Variants in STARD13 observed in about 807,000 individuals in gnomAD.
The protein encoded by STARD13 is stAR-related lipid transfer protein 13.
Under a neutral mutation model 106.4 loss-of-function variants are expected in STARD13, and 62 were observed. That is an observed-to-expected ratio of 0.58 (90% CI 0.48 to 0.72). The LOEUF is 0.72. Among genes scored for constraint, STARD13 ranks in the 30% least tolerant of loss-of-function variants. STARD13 has a pLI of 0.00. For missense variants in STARD13, 1,387 were observed against 1,424.0 expected, an observed-to-expected ratio of 0.97 and a Z score of 0.42; for synonymous variants, 565 against 553.0, an observed-to-expected ratio of 1.02 and a Z score of -0.31.
intron 4 of STARD13, among the ~76,000 whole-genome samples, chr13:33,135,394 G>A (rs575254024): frequency 6.6e-6 from 1 of 152,282 alleles, no homozygotes; most frequent in Admixed American, 6.5e-5. Context: ...AAATTCAAAC[G>A]GTGAGTCCTA....
chr13:33,107,033 C>A (rs1309980560), intron 12 of STARD13, 99 bp from the exon 13 acceptor site: 1 of 1,187,408 alleles, frequency 8.4e-7, no homozygotes, highest in Non-Finnish European at 1.2e-6. Flanking sequence ...CTGCCAACAA[C>A]CTGGGCTCAG....
chr13:33,257,202 A>T (rs997212480), intron 1 of STARD13, among the ~76,000 whole-genome samples: 1 of 152,032 alleles, frequency 6.6e-6, no homozygotes, highest in African/African-American at 2.4e-5. Context: ...TCTGGGAATT[A>T]TCCATGTAAA....
At chr13:33,116,410 C>T (rs1424406254) in intron 8 of STARD13, among the ~76,000 whole-genome samples, 1 of 152,158 alleles carries the variant, frequency 6.6e-6, no homozygotes, top group Non-Finnish European at 1.5e-5. Flanking sequence ...CCTCATCTCC[C>T]TCAATTGTAA....
intron 7 of STARD13, among the ~76,000 whole-genome samples, chr13:33,123,350 TTAA>T (rs1404020004): frequency 6.6e-6 from 1 of 152,238 alleles, no homozygotes; most frequent in African/African-American, 2.4e-5. Context: ...TTTTCGGGAC[TTAA>T]TGATGTTTAT....
chr13:33,273,285 T>C (rs1315613323), intron 1 of STARD13, among the ~76,000 whole-genome samples: 1 of 152,176 alleles, frequency 6.6e-6, no homozygotes, highest in East Asian at 1.9e-4. Context: ...ACTACACTGG[T>C]GAAGGAATTA....
the STARD13 span, among the ~76,000 whole-genome samples, chr13:33,556,253 C>T: frequency 6.6e-6 from 1 of 151,908 alleles, no homozygotes; most frequent in Admixed American, 6.6e-5. Flanking sequence ...TTCCTTCCCG[C>T]CTCCCTTTTC....
chr13:33,533,618 GGTAA>G, the STARD13 span, among the ~76,000 whole-genome samples: 2 of 151,836 alleles, frequency 1.3e-5, no homozygotes, highest in Non-Finnish European at 2.9e-5. Flanking sequence ...TATTACATCT[GGTAA>G]GTAAGTGGAT....
chr13:33,529,829 T>C, the STARD13 span, among the ~76,000 whole-genome samples: 1 of 152,100 alleles, frequency 6.6e-6, no homozygotes, highest in Non-Finnish European at 1.5e-5. Context: ...CAAAGAATAG[T>C]GAGGATTTTA....
chr13:33,428,498 G>T, the STARD13 span, among the ~76,000 whole-genome samples: 2 of 151,954 alleles, frequency 1.3e-5, no homozygotes, highest in Non-Finnish European at 2.9e-5. Flanking sequence ...TTAAAAAATG[G>T]ACAAAAGACG....
the STARD13 span, among the ~76,000 whole-genome samples, chr13:33,505,571 C>A: frequency 6.1e-4 from 93 of 152,172 alleles, no homozygotes; most frequent in Non-Finnish European, 1.1e-3. Flanking sequence ...AAAGAAAAGA[C>A]AATTTTCAAA....
chr13:33,566,501 C>T, the STARD13 span, among the ~76,000 whole-genome samples: 1 of 147,932 alleles, frequency 6.8e-6, no homozygotes, highest in African/African-American at 2.5e-5. Flanking sequence ...TAGTTTTTGG[C>T]ACTTGTGACT....
At position 33,350,186 on chromosome 13, in the gene STARD13, T is replaced by G. The variant is rs2078060771; in HGVS notation, c.124+104A>C. 7 of 1,346,780 alleles carry G rather than the reference T, an allele frequency of 5.2e-6. No homozygotes were observed. In the South Asian group the frequency reaches 1.1e-4, roughly 20 times the overall value. The allele number at this position is 1,346,780 out of a possible 1,614,324, so 83.4% of individuals were successfully genotyped here. A position where few individuals can be genotyped will look rare whatever the true frequency, so the allele number is the denominator to read the frequency against. On this transcript the variant is annotated intron_variant, in intron 1 of 1. Transcript: ENST00000439831. ...TCGCCCCGGCCTTGGGCTCTGAAAC[T>G]CATGCCCTGGAGCCCAGAGCAGAGG...
the STARD13 span, among the ~76,000 whole-genome samples, chr13:33,590,180 A>T: frequency 1.3e-5 from 2 of 152,218 alleles, no homozygotes; most frequent in Non-Finnish European, 2.9e-5. Context: ...AATGGCGATC[A>T]TTAAAAAGTC....
chr13:33,466,156 A>T, the STARD13 span, among the ~76,000 whole-genome samples: 1 of 152,234 alleles, frequency 6.6e-6, no homozygotes, highest in African/African-American at 2.4e-5. Context: ...AACAGTGCTC[A>T]GTATATCCTA....
At chr13:33,295,354 C>T (rs1397787767) in intron 1 of STARD13, among the ~76,000 whole-genome samples, 2 of 152,072 alleles carry the variant, frequency 1.3e-5, no homozygotes, top group African/African-American at 4.8e-5. Context: ...GACTGGAAGA[C>T]ACATTTTAGG....
the STARD13 span, among the ~76,000 whole-genome samples, chr13:33,425,266 A>G: frequency 6.6e-6 from 1 of 152,194 alleles, no homozygotes; most frequent in Admixed American, 6.5e-5. Flanking sequence ...ACCAACAAGC[A>G]TAGTGTCCAG....
At chr13:33,323,254 CT>C (rs1315168143) in intron 1 of STARD13, among the ~76,000 whole-genome samples, 1 of 152,190 alleles carries the variant, frequency 6.6e-6, no homozygotes, top group Non-Finnish European at 1.5e-5. Context: ...GATTCTGAGC[CT>C]TTGCATATGC....
intron 1 of STARD13, among the ~76,000 whole-genome samples, chr13:33,223,094 A>T (rs1251746345): frequency 6.6e-6 from 1 of 152,250 alleles, no homozygotes; most frequent in Non-Finnish European, 1.5e-5. Context: ...TTAAGATCTG[A>T]TAGTCAGCTG....
chr13:33,436,908 G>T, the STARD13 span, among the ~76,000 whole-genome samples: 1 of 152,080 alleles, frequency 6.6e-6, no homozygotes, highest in African/African-American at 2.4e-5. Context: ...CCTCACAAGG[G>T]TCAACAGTGG....
Sources: gnomAD v4.1 joint callset for allele counts (sites outside exome capture counted in the v4.1 genomes callset) on GRCh38, gnomAD v4.1.1 for gene constraint, MANE v1.5 for transcripts, NCBI Gene and HGNC (gene_info 2026-07-23, HGNC 2026-07-21) for gene names.